The following TTC27 variants were observed in gnomAD, a reference collection of about 807,000 sequenced individuals.
TTC27 encodes the protein tetratricopeptide repeat protein 27.
Under a neutral mutation model 115.9 loss-of-function variants are expected in TTC27, and 79 were observed. The ratio of observed to expected loss-of-function variants is 0.68; its 90% CI spans 0.57 to 0.82. The LOEUF (loss-of-function observed/expected upper bound fraction) is 0.82, where lower values mean the gene tolerates loss of function less well. TTC27 is among the 40% of genes least tolerant of loss of function. The probability of loss-of-function intolerance (pLI) is 0.00; values close to 1 mark genes in which losing one functional copy is unlikely to be tolerated. For synonymous variants in TTC27, 401 were observed against 356.0 expected, an observed-to-expected ratio of 1.13 and a Z score of -1.42; for missense variants, 1,054 against 993.1, an observed-to-expected ratio of 1.06 and a Z score of -0.82.
chr2:32,762,300 TGTGTGTGTGTGTGTG>T (rs1159834504), intron 13 of TTC27, among the ~76,000 whole-genome samples: 6 of 150,854 alleles, frequency 4.0e-5, no homozygotes, highest in Non-Finnish European at 8.9e-5. Flanking sequence ...TGTGTGTGTG[TGTGTGTGTGTGTGTG>T]TGTGTGTGTG....
Position 32,727,673 on chromosome 2 carries a change from C to A in TTC27, c.1234-6155C>A, listed in dbSNP as rs182670569. Among the ~76,000 whole-genome samples, 32 of 152,208 alleles carry A rather than the reference C, an allele frequency of 2.1e-4. No individual in the cohort carries two copies. The South Asian group carries it at 6.6e-3, about 32-fold the overall frequency. ...GCAGATCTGAGGATCTAGCTATCAT[C>A]TATTATGCCATACATTAAAGAGATT... On this transcript the variant is annotated intron_variant, in intron 10 of 19. Transcript: ENST00000317907.
At chr2:32,633,196 C>T (rs1664279572) in intron 2 of TTC27, among the ~76,000 whole-genome samples, 1 of 152,174 alleles carries the variant, frequency 6.6e-6, no homozygotes, top group Non-Finnish European at 1.5e-5. Flanking sequence ...CTGATCAGAA[C>T]CTAAATCAAC....
At chr2:32,763,541 T>C (rs1414834518) in intron 13 of TTC27, among the ~76,000 whole-genome samples, 1 of 152,220 alleles carries the variant, frequency 6.6e-6, no homozygotes, top group Non-Finnish European at 1.5e-5. Flanking sequence ...AAAAAGGCTA[T>C]TGTCCATCTT....
intron 11 of TTC27, 107 bp from the exon 12 acceptor site, chr2:32,736,587 T>A: frequency 8.5e-7 from 1 of 1,175,778 alleles, no homozygotes; most frequent in African/African-American, 1.5e-5. Context: ...TATACATTTA[T>A]TACAATAAGC....
At chr2:32,639,805 C>T (rs1278275090) in intron 3 of TTC27, among the ~76,000 whole-genome samples, 1 of 152,096 alleles carries the variant, frequency 6.6e-6, no homozygotes, top group Non-Finnish European at 1.5e-5. Context: ...GAATTCGAGA[C>T]CAACCTGGCC....
chr2:32,721,894 A>T (rs900241039), intron 10 of TTC27, among the ~76,000 whole-genome samples: 1 of 152,124 alleles, frequency 6.6e-6, no homozygotes, highest in Non-Finnish European at 1.5e-5. Context: ...CTGGGATTCT[A>T]GGTATAAGTC....
chr2:32,812,735 G>A lies in TTC27; in HGVS notation c.2308+120G>A. The A allele has an allele frequency of 4.3e-6, 3 of 705,632 alleles. No homozygotes were observed. In the South Asian group the frequency reaches 5.6e-5, roughly 13 times the overall value. The allele number at this position is 705,632 out of a possible 1,614,324, so 43.7% of individuals were successfully genotyped here. The stretch of plus-strand genomic sequence containing the variant: ...TAGTATCAAATTATTTCATTATATT[G>A]ACATTGTTGTATTTAATTCAGCAAA... On this transcript the variant is annotated intron_variant, in intron 18 of 19. Transcript: ENST00000317907.
At chr2:32,755,580 A>T (rs1225866480) in intron 12 of TTC27, among the ~76,000 whole-genome samples, 2 of 151,656 alleles carry the variant, frequency 1.3e-5, no homozygotes, top group Non-Finnish European at 2.9e-5. Context: ...TTGGAAAGAG[A>T]GGGAGAGGGA....
intron 12 of TTC27, among the ~76,000 whole-genome samples, chr2:32,748,844 T>C (rs529621188): frequency 1.3e-5 from 2 of 152,162 alleles, no homozygotes; most frequent in Non-Finnish European, 2.9e-5. Context: ...TACGCCACCA[T>C]GCCCGGCTAA....
intron 5 of TTC27, among the ~76,000 whole-genome samples, chr2:32,659,253 C>T (rs576540333): frequency 3.3e-5 from 5 of 152,222 alleles, no homozygotes; most frequent in East Asian, 3.9e-4. Flanking sequence ...GCGTGAGCCA[C>T]GATGCCCAGC....
chr2:32,789,921 CAA>C (rs34859954), intron 16 of TTC27, among the ~76,000 whole-genome samples: 1 of 25,936 alleles, frequency 3.9e-5, no homozygotes, highest in African/African-American at 1.8e-4. Flanking sequence ...ACCCTGTCTC[CAA>C]AAAAAAAAAA....
In TTC27 at chr2:32,771,851, G is replaced by A. The variant is rs79914314; in HGVS notation, c.1681-6031G>A. Among the ~76,000 whole-genome samples the A allele has an allele frequency of 7.2e-5, 11 of 152,280 alleles. No individual in the cohort carries two copies. In the East Asian group the frequency reaches 2.1e-3, roughly 29 times the overall value. ...ATTCAACAACTCATCTGTGTTTGGG[G>A]TCACAGAAATCAGGCAGGGGTACAG... is the stretch of plus-strand genomic sequence containing the variant. On this transcript the variant is annotated intron_variant, in intron 13 of 19. Transcript: ENST00000317907.
intron 9 of TTC27, among the ~76,000 whole-genome samples, chr2:32,695,513 G>T (rs1666952728): frequency 6.6e-6 from 1 of 151,960 alleles, no homozygotes; most frequent in Non-Finnish European, 1.5e-5. Flanking sequence ...GAGGTCAGGA[G>T]TTCAAGACCA....
intron 13 of TTC27, among the ~76,000 whole-genome samples, chr2:32,771,913 T>C (rs572878155): frequency 2.0e-5 from 3 of 152,208 alleles, no homozygotes; most frequent in African/African-American, 7.2e-5. Context: ...TAGGATTAGA[T>C]TATTCTACAT....
At chr2:32,701,113 G>C (rs1000899157) in intron 9 of TTC27, among the ~76,000 whole-genome samples, 2 of 152,100 alleles carry the variant, frequency 1.3e-5, no homozygotes, top group African/African-American at 4.8e-5. Flanking sequence ...TATATTTTAT[G>C]GGGGCAGGGA....
rs543321645 is a variant in TTC27 at position 32,649,807 on chromosome 2, G to A, written c.538-324G>A. Among the ~76,000 whole-genome samples, 5 of 152,156 alleles carry A rather than the reference G, an allele frequency of 3.3e-5. No individual in the cohort carries two copies. In the South Asian group the frequency reaches 1.0e-3, roughly 32 times the overall value. ...GATCTGCCCGCCTCGGCCTCCCAAA[G>A]TGTTGGGATTACAGGTGTGAGCCAT... On this transcript the variant is annotated intron_variant, in intron 4 of 19. Transcript: ENST00000317907.
intron 18 of TTC27, 78 bp from the exon 19 acceptor site, chr2:32,817,379 T>C (rs1671538414): frequency 8.4e-7 from 1 of 1,189,232 alleles, no homozygotes. Context: ...AAAATTCTAA[T>C]TAAATAATTG....
Position 32,820,975 on chromosome 2 carries a change from C to T in TTC27, c.*37C>T, listed in dbSNP as rs767212912. The T allele has an allele frequency of 1.4e-6, 2 of 1,445,304 alleles. No individual in the cohort carries two copies. The highest frequency in any genetic ancestry group is 1.5e-5 in the South Asian group (1 of 65,338). The allele number at this position is 1,445,304 out of a possible 1,614,324, so 89.5% of individuals were successfully genotyped here. ...GCAGATTCTGGAAAAGGTGCTTTCA[C>T]CTGCTGGTAAAAGATACATCTGTAT... is the stretch of plus-strand genomic sequence containing the variant. On this transcript the variant is annotated 3_prime_UTR_variant, in exon 20 of 20. Transcript: ENST00000317907.
intron 12 of TTC27, among the ~76,000 whole-genome samples, chr2:32,754,779 TC>T (rs1308778619): frequency 8.1e-6 from 1 of 123,820 alleles, no homozygotes; most frequent in Admixed American, 8.1e-5. Context: ...GGGGCTGACC[TC>T]CCCCACCTCC....
Sources: gnomAD v4.1 joint callset for allele counts (sites outside exome capture counted in the v4.1 genomes callset) on GRCh38, gnomAD v4.1.1 for gene constraint, MANE v1.5 for transcripts, NCBI Gene and HGNC (gene_info 2026-07-23, HGNC 2026-07-21) for gene names.